HPSE2: variants seen among roughly 807,000 people sequenced by gnomAD.
HPSE2 encodes the protein heparanase 2 (inactive), also known as inactive heparanase-2.
A neutral mutation model predicts 60.5 loss-of-function variants in HPSE2; 38 were observed. The ratio of observed to expected loss-of-function variants is 0.63; its 90% CI spans 0.48 to 0.82. HPSE2 has a LOEUF of 0.82. Ranked by LOEUF, HPSE2 falls within the 40% of genes least tolerant of loss-of-function variation. The pLI, the probability that HPSE2 is intolerant of heterozygous loss-of-function variation, is 0.00. For synonymous variants in HPSE2, 295 were observed against 293.2 expected, an observed-to-expected ratio of 1.01 and a Z score of -0.06; for missense variants, 713 against 740.4, an observed-to-expected ratio of 0.96 and a Z score of 0.43.
intron 6 of HPSE2, among the ~76,000 whole-genome samples, chr10:98,657,850 T>C (rs1029417710): frequency 1.6e-4 from 25 of 152,214 alleles, no homozygotes; most frequent in African/African-American, 6.0e-4. Context: ...GGGGCTGGAA[T>C]TGACCATCTT....
At chr10:99,100,538 G>C (rs142815363) in intron 3 of HPSE2, among the ~76,000 whole-genome samples, 1 of 152,262 alleles carries the variant, frequency 6.6e-6, no homozygotes, top group African/African-American at 2.4e-5. Flanking sequence ...AAAGTGACGG[G>C]GAGAACGGAA....
chr10:99,251,861 C>CAA, the HPSE2 span, among the ~76,000 whole-genome samples: 2 of 53,248 alleles, frequency 3.8e-5, no homozygotes, highest in African/African-American at 1.7e-4. Flanking sequence ...ACTCTCTCTA[C>CAA]CAAAAAAAAA....
chr10:99,025,119 C>G (rs945609678), intron 3 of HPSE2, among the ~76,000 whole-genome samples: 3 of 152,086 alleles, frequency 2.0e-5, no homozygotes, highest in African/African-American at 7.2e-5. Context: ...AACAACTTTT[C>G]AAGACATAGT....
intron 3 of HPSE2, among the ~76,000 whole-genome samples, chr10:99,060,540 C>A (rs1007947461): frequency 1.3e-5 from 2 of 151,294 alleles, no homozygotes. Flanking sequence ...TGCCTATAAT[C>A]CCAGCTACTC....
chr10:98,861,566 T>C (rs1952458985), intron 3 of HPSE2, among the ~76,000 whole-genome samples: 1 of 152,326 alleles, frequency 6.6e-6, no homozygotes. Context: ...TAACACATTT[T>C]TGTTCATTAT....
At chr10:98,821,248 T>C (rs1565188034) in intron 3 of HPSE2, among the ~76,000 whole-genome samples, 1 of 152,192 alleles carries the variant, frequency 6.6e-6, no homozygotes, top group Admixed American at 6.5e-5. Context: ...AATTTCATCA[T>C]TGTATGAACA....
chr10:98,979,314 G>C (rs1938865766), intron 3 of HPSE2, among the ~76,000 whole-genome samples: 1 of 152,134 alleles, frequency 6.6e-6, no homozygotes, highest in Non-Finnish European at 1.5e-5. Flanking sequence ...GGCCACACCA[G>C]ACAGTGCTAA....
chr10:99,097,299 T>C (rs1337235484), intron 3 of HPSE2, among the ~76,000 whole-genome samples: 2 of 152,236 alleles, frequency 1.3e-5, no homozygotes, highest in Non-Finnish European at 2.9e-5. Flanking sequence ...ATCTATCTTT[T>C]GGTTTAAGAA....
At chr10:99,029,834 T>C (rs1957460132) in intron 3 of HPSE2, among the ~76,000 whole-genome samples, 1 of 152,092 alleles carries the variant, frequency 6.6e-6, no homozygotes, top group South Asian at 2.1e-4. Flanking sequence ...CCACAAGAGG[T>C]GGAGGAGCAG....
chr10:99,267,864 T>C, the HPSE2 span, among the ~76,000 whole-genome samples: 2 of 151,620 alleles, frequency 1.3e-5, no homozygotes, highest in Non-Finnish European at 2.9e-5. Flanking sequence ...ATCTAAAAGT[T>C]TGGAAAATGT....
rs1957566507 is a variant in HPSE2, at chr10:99,034,480, G to A, written c.610+109758C>T. ...AGAACTGTACACCACCAAGAGTAAAGCTTATTGTTTCTAATTTTTTTAATT... is the reference window on the plus strand; with the variant it reads ...AGAACTGTACACCACCAAGAGTAAAACTTATTGTTTCTAATTTTTTTAATT... On this transcript the variant is annotated intron_variant, in intron 3 of 11. Transcript: ENST00000370552. Among the ~76,000 whole-genome samples, 5 of 152,026 alleles carry A rather than the reference G, an allele frequency of 3.3e-5. No homozygotes were observed. The South Asian group carries it at 1.0e-3, about 32-fold the overall frequency.
At chr10:99,186,652 TAACTC>T (rs926467527) in intron 2 of HPSE2, among the ~76,000 whole-genome samples, 32 of 150,676 alleles carry the variant, frequency 2.1e-4, no homozygotes, top group African/African-American at 6.6e-4. Flanking sequence ...AAAAAAATGT[TAACTC>T]AAATTCCATA....
At chr10:98,763,530 CTTCT>C (rs1950053452) in intron 3 of HPSE2, among the ~76,000 whole-genome samples, 1 of 16,626 alleles carries the variant, frequency 6.0e-5, no homozygotes, top group Non-Finnish European at 3.5e-4. Context: ...CATGTGTTCT[CTTCT>C]CTGGAATCTT....
At chr10:99,093,256 C>A (rs1843580870) in intron 3 of HPSE2, among the ~76,000 whole-genome samples, 1 of 151,870 alleles carries the variant, frequency 6.6e-6, no homozygotes, top group African/African-American at 2.4e-5. Context: ...CTTTCTACCA[C>A]TCAGGAATTC....
intron 9 of HPSE2, among the ~76,000 whole-genome samples, chr10:98,592,116 T>C (rs1945108126): frequency 6.6e-6 from 1 of 152,238 alleles, no homozygotes. Flanking sequence ...TAATCCATGC[T>C]CAAAGACTGC....
intron 9 of HPSE2, among the ~76,000 whole-genome samples, chr10:98,593,948 T>G (rs1945159515): frequency 6.6e-6 from 1 of 152,212 alleles, no homozygotes; most frequent in Non-Finnish European, 1.5e-5. Flanking sequence ...GTCTCTGAAC[T>G]TTTGGTATAT....
At chr10:98,569,532 T>C (rs1445783377) in intron 9 of HPSE2, among the ~76,000 whole-genome samples, 1 of 152,090 alleles carries the variant, frequency 6.6e-6, no homozygotes, top group African/African-American at 2.4e-5. Context: ...ACCACCTCTA[T>C]CCCTCCAAAT....
At chr10:99,267,317 CACTT>C in the HPSE2 span, among the ~76,000 whole-genome samples, 2 of 152,108 alleles carry the variant, frequency 1.3e-5, no homozygotes, top group East Asian at 1.9e-4. Flanking sequence ...ATGAAGGACA[CACTT>C]ACAGAAATAC....
intron 2 of HPSE2, among the ~76,000 whole-genome samples, chr10:99,145,662 G>A (rs1001116006): frequency 2.0e-5 from 3 of 152,008 alleles, no homozygotes. Context: ...AATAGAAGGC[G>A]CTAAAAAATA....
Sources: allele counts gnomAD v4.1 joint callset (sites outside exome capture counted in the v4.1 genomes callset), GRCh38; gene constraint gnomAD v4.1.1; transcripts MANE v1.5; gene names NCBI Gene and HGNC (gene_info 2026-07-23, HGNC 2026-07-21).